WWOX: variants seen among roughly 807,000 people sequenced by gnomAD.
WWOX encodes WW domain containing oxidoreductase, also known as WW domain-containing oxidoreductase.
Under a neutral mutation model 46.2 loss-of-function variants are expected in WWOX, and 69 were observed. The ratio of observed to expected loss-of-function variants is 1.49; its 90% CI spans 1.23 to 1.82. The LOEUF is 1.82. WWOX is among the 40% of genes most tolerant of loss of function. WWOX has a pLI of 0.00. For synonymous variants in WWOX, 359 were observed against 202.6 expected, an observed-to-expected ratio of 1.77 and a Z score of -6.56; for missense variants, 919 against 542.6, an observed-to-expected ratio of 1.69 and a Z score of -6.89.
rs553171280 is a variant in WWOX at position 79,041,450 on chromosome 16, G to C, written c.1057-170158G>C. 3.1e-4 allele frequency among the ~76,000 whole-genome samples: 47 copies of C among 152,320 alleles called. 1 individual carries two copies. The highest frequency in any genetic ancestry group is 1.1e-3 in the African/African-American group (46 of 41,576). ...GGTGTCCTGTCCTGGGCAGACATAA[G>C]CCCTGTGGGTTCCAGTTTCTCATTA... is the stretch of plus-strand genomic sequence containing the variant. On this transcript the variant is annotated intron_variant, in intron 8 of 8. Transcript: ENST00000566780.
At position 78,342,803 on chromosome 16, in the gene WWOX, T is replaced by C. The variant is rs138472397; in HGVS notation, c.517-44057T>C. On this transcript the variant is annotated intron_variant, in intron 5 of 8. Transcript: ENST00000566780. ...ACCAGATTGTCCCATTCCACTATCA[T>C]TCTGCCATCAACACCGAGGTGTCGG... 1.2e-4 allele frequency among the ~76,000 whole-genome samples: 15 copies of C among 120,778 alleles called. No homozygotes were observed. The East Asian group carries it at 2.9e-3, about 23-fold the overall frequency. 79.2% of individuals were successfully genotyped at this position (120,778 alleles called of 152,430 possible). A position where few individuals can be genotyped will look rare whatever the true frequency, so the allele number is the denominator to read the frequency against.
At chr16:78,304,325 G>T (rs757035243) in intron 5 of WWOX, among the ~76,000 whole-genome samples, 7 of 152,166 alleles carry the variant, frequency 4.6e-5, no homozygotes, top group Non-Finnish European at 8.8e-5. Context: ...TTAGGTTAAT[G>T]CATTGACATT....
intron 8 of WWOX, among the ~76,000 whole-genome samples, chr16:78,878,901 GAAAAAAAAA>G (rs111647544): frequency 1.2e-5 from 1 of 86,910 alleles, no homozygotes; most frequent in African/African-American, 4.4e-5. Context: ...ACAAAAAAAT[GAAAAAAAAA>G]AAAAAAAAAA....
At chr16:78,497,458 T>C (rs762688941) in intron 8 of WWOX, among the ~76,000 whole-genome samples, 6 of 152,078 alleles carry the variant, frequency 3.9e-5, no homozygotes, top group Non-Finnish European at 8.8e-5. Context: ...AAAGCAAAAA[T>C]AGACAACTGG....
At chr16:78,978,537 C>G (rs998057841) in intron 8 of WWOX, among the ~76,000 whole-genome samples, 1 of 152,256 alleles carries the variant, frequency 6.6e-6, no homozygotes, top group Middle Eastern at 3.4e-3. Context: ...ATGCCTGAGA[C>G]TGGGTAATGG....
In WWOX at chr16:78,706,288, C is replaced by G. The variant is rs74029905; in HGVS notation, c.1056+273536C>G. On this transcript the variant is annotated intron_variant, in intron 8 of 8. Transcript: ENST00000566780. The stretch of plus-strand genomic sequence containing the variant: ...TTTGTCTGTCTGTGTCTGTCAGTCT[C>G]ACACACATCCTTCAACACATCTCTT... Among the ~76,000 whole-genome samples the G allele has an allele frequency of 1.1e-3, 170 of 152,210 alleles. 1 individual carries two copies. The highest frequency in any genetic ancestry group is 0.01 in the Middle Eastern group (3 of 294).
intron 8 of WWOX, among the ~76,000 whole-genome samples, chr16:78,589,599 G>A (rs373939766): frequency 7.9e-5 from 12 of 152,308 alleles, no homozygotes; most frequent in Admixed American, 5.2e-4. Context: ...TTAAGTTACA[G>A]TAGAGAAGTG....
intron 4 of WWOX, among the ~76,000 whole-genome samples, chr16:78,117,903 C>A (rs886336249): frequency 6.6e-6 from 1 of 151,974 alleles, no homozygotes; most frequent in Non-Finnish European, 1.5e-5. Flanking sequence ...TTCTCTAAGG[C>A]GGGGTGGGCT....
In WWOX at chr16:78,453,324, G is replaced by C. The variant is rs2083736466; in HGVS notation, c.1056+20572G>C. Among the ~76,000 whole-genome samples, 3 of 151,842 alleles carry C rather than the reference G, an allele frequency of 2.0e-5. No homozygotes were observed. The South Asian group carries it at 6.2e-4, about 32-fold the overall frequency. On this transcript the variant is annotated intron_variant, in intron 8 of 8. Transcript: ENST00000566780. ...TGTAATCCCAGCTGCTTGGGAGGCT[G>C]AGGCAGGAAAATCGTTTGAACCCGA...
chr16:78,888,570 G>T (rs1488154304), intron 8 of WWOX, among the ~76,000 whole-genome samples: 1 of 152,160 alleles, frequency 6.6e-6, no homozygotes, highest in Non-Finnish European at 1.5e-5. Flanking sequence ...TTGTTTGTTA[G>T]TTTTGAGGAT....
At chr16:78,446,109 T>A (rs1268654821) in intron 8 of WWOX, among the ~76,000 whole-genome samples, 1 of 152,192 alleles carries the variant, frequency 6.6e-6, no homozygotes, top group Non-Finnish European at 1.5e-5. Context: ...GTGTTTTTCT[T>A]CCTTTGGTGT....
At chr16:78,159,395 T>C (rs942593266) in intron 4 of WWOX, among the ~76,000 whole-genome samples, 2 of 152,080 alleles carry the variant, frequency 1.3e-5, no homozygotes, top group Admixed American at 6.5e-5. Context: ...CTCCATACTG[T>C]TTTTCATAAT....
intron 8 of WWOX, among the ~76,000 whole-genome samples, chr16:78,927,902 A>G (rs536370202): frequency 1.3e-5 from 2 of 152,294 alleles, no homozygotes; most frequent in East Asian, 1.9e-4. Flanking sequence ...AGACACTTAC[A>G]TATTCCTAGC....
chr16:78,777,605 G>A (rs535517851), intron 8 of WWOX, among the ~76,000 whole-genome samples: 8 of 152,080 alleles, frequency 5.3e-5, no homozygotes, highest in Non-Finnish European at 7.4e-5. Context: ...GACATGTACA[G>A]GGTGCTGAGA....
intron 8 of WWOX, among the ~76,000 whole-genome samples, chr16:78,569,567 C>G (rs966211398): frequency 6.6e-6 from 1 of 152,140 alleles, no homozygotes; most frequent in East Asian, 1.9e-4. Context: ...AAATTTACAC[C>G]TTTTCAAATT....
At chr16:78,635,142 A>G (rs2046537095) in intron 8 of WWOX, among the ~76,000 whole-genome samples, 1 of 152,104 alleles carries the variant, frequency 6.6e-6, no homozygotes, top group South Asian at 2.1e-4. Flanking sequence ...TAATGCCAAA[A>G]CTGTACCTCT....
intron 8 of WWOX, among the ~76,000 whole-genome samples, chr16:78,874,227 G>C (rs938665932): frequency 6.8e-6 from 1 of 147,946 alleles, no homozygotes; most frequent in East Asian, 2.0e-4. Context: ...CTGCACTCTA[G>C]CATGGGCGAC....
At chr16:79,157,634 G>A (rs1011859965) in intron 8 of WWOX, among the ~76,000 whole-genome samples, 2 of 152,120 alleles carry the variant, frequency 1.3e-5, no homozygotes, top group African/African-American at 4.8e-5. Context: ...TATTATTTAG[G>A]TATGCTAAGA....
chr16:79,138,890 A>G (rs2050033988), intron 8 of WWOX, among the ~76,000 whole-genome samples: 1 of 152,212 alleles, frequency 6.6e-6, no homozygotes, highest in East Asian at 1.9e-4. Flanking sequence ...AGGAGCAGAG[A>G]GCACAGCAGG....
Sources: allele counts gnomAD v4.1 joint callset (sites outside exome capture counted in the v4.1 genomes callset), GRCh38; gene constraint gnomAD v4.1.1; transcripts MANE v1.5; gene names NCBI Gene and HGNC (gene_info 2026-07-23, HGNC 2026-07-21).